SMCHD1: variants seen among roughly 807,000 people sequenced by gnomAD.
The protein encoded by SMCHD1 is structural maintenance of chromosomes flexible hinge domain-containing protein 1.
Under a neutral mutation model 254.7 loss-of-function variants are expected in SMCHD1, and 78 were observed. The ratio of observed to expected loss-of-function variants is 0.31; its 90% confidence interval spans 0.26 to 0.37. The LOEUF (loss-of-function observed/expected upper bound fraction) is 0.37, where lower values mean the gene tolerates loss of function less well. Among genes scored for constraint, SMCHD1 ranks in the 10% least tolerant of loss-of-function variants. The probability of loss-of-function intolerance (pLI) is 1.00; values close to 1 mark genes in which losing one functional copy is unlikely to be tolerated. For synonymous variants in SMCHD1, 766 were observed against 794.9 expected (o/e 0.96, Z 0.61); for missense variants, 1,840 against 2,408.1 (o/e 0.76, Z 4.94).
At chr18:2,728,793 G>C (rs2075076440) in intron 23 of SMCHD1, 197 bp downstream of exon 23, 4 of 482,122 alleles carry the variant, frequency 8.3e-6, no homozygotes, top group Non-Finnish European at 1.0e-5. Context: ...ACTGTGCCCA[G>C]TTTCATAAAT....
At position 2,752,495 on chromosome 18, in the gene SMCHD1, C is replaced by T. The variant is rs1195477536; in HGVS notation, c.4289C>T (p.Thr1430Ile). 2.5e-6 allele frequency: 4 copies of T among 1,600,832 alleles called. No individual in the cohort carries two copies. Among genetic ancestry groups the T allele is most frequent in the South Asian group, 2.2e-5 (2 of 90,618 alleles). Residue 1430 changes from threonine to isoleucine, a missense_variant, in exon 34 of 48, where the codon ACA becomes ATA. By Grantham distance (89) the Thr-to-Ile change is moderately conservative. Transcript: ENST00000320876. ...SGNRPPANAE[T>I]FSCNKIKDND... Reference sequence around the variant, plus strand: ...TCCTACTCCCCTTTCTAGGCAGAAACATTTAGTTGTAATAAAATAAAAGAT... The same window carrying T: ...TCCTACTCCCCTTTCTAGGCAGAAATATTTAGTTGTAATAAAATAAAAGAT...
At chr18:2,790,332 G>A (rs930982576) in intron 45 of SMCHD1, among the ~76,000 whole-genome samples, 7 of 152,154 alleles carry the variant, frequency 4.6e-5, no homozygotes, top group African/African-American at 1.7e-4. Flanking sequence ...AGTACAATAA[G>A]ATACTTTGAG....
chr18:2,659,185 T>C (rs2073170660), intron 1 of SMCHD1, among the ~76,000 whole-genome samples: 1 of 152,238 alleles, frequency 6.6e-6, no homozygotes, highest in Non-Finnish European at 1.5e-5. Context: ...TGGTGCCATC[T>C]TGGCTTACTG....
At chr18:2,760,366 C>A in intron 34 of SMCHD1, 1 of 211,880 alleles carries the variant, frequency 4.7e-6, no homozygotes, top group Non-Finnish European at 9.4e-6. Flanking sequence ...TGTAATTCAG[C>A]ATTTTTTACG....
intron 25 of SMCHD1, 51 bp from the exon 26 acceptor site, chr18:2,738,346 G>A (rs1218586042): frequency 7.5e-7 from 1 of 1,333,236 alleles, no homozygotes; most frequent in Non-Finnish European, 9.8e-7. Context: ...GTGGCAGTAA[G>A]AGAACATTAG....
At position 2,802,593 on chromosome 18, in the gene SMCHD1, GC is replaced by G; in HGVS notation, c.*44del. On this transcript the variant is annotated 3_prime_UTR_variant, in exon 48 of 48. Transcript: ENST00000320876. ...AGAGGCCATTGGTCTCAGTAAGAAT[GC>G]CCTGCTTTCTGCATCTCTGTTTCAG... The G allele has an allele frequency of 6.6e-7, 1 of 1,524,396 alleles. No homozygotes were observed. The highest frequency in any genetic ancestry group is 8.8e-7 in the Non-Finnish European group (1 of 1,132,086). The allele number at this position is 1,524,396 out of a possible 1,614,324, so 94.4% of individuals were successfully genotyped here.
chr18:2,701,022 G>A, intron 12 of SMCHD1, 104 bp downstream of exon 12: 1 of 868,346 alleles, frequency 1.2e-6, no homozygotes, highest in Non-Finnish European at 1.7e-6. Context: ...TGCATCAAAA[G>A]ACTATGATGT....
Position 2,771,582 on chromosome 18 carries a change from A to G in SMCHD1, c.5016A>G (p.Leu1672=), listed in dbSNP as rs890327982. The change falls in exon 40 of 48, where the codon CTA becomes CTG. Residue 1672 remains leucine (L), a synonymous_variant. Coordinates refer to ENST00000320876, the MANE Select transcript of SMCHD1 (RefSeq NM_015295.3). ...RLKEAQLRNE[L]KIHNIDIPTT... is the part of the protein sequence containing the mutation. ...AAGAGGCCCAATTGCGAAATGAACT[A>G]AAAATACATAATATTGACATTCCTA... The G allele has an allele frequency of 1.9e-6, 3 of 1,569,250 alleles. No individual in the cohort carries two copies. The Admixed American group carries it at 6.5e-5, about 34-fold the overall frequency.
chr18:2,697,818 CT>C lies in SMCHD1; in HGVS notation c.1132-8del. ...CATAGAATTTAATTATTTTTGTTTC[CT>C]TTTTATTTTAGATTTCTATGTTTGA... On this transcript the variant is annotated splice_polypyrimidine_tract_variant and intron_variant, in intron 9 of 47. Transcript: ENST00000320876. The C allele has an allele frequency of 6.4e-7, 1 of 1,554,084 alleles. No homozygotes were observed. The highest frequency in any genetic ancestry group is 1.1e-5 in the South Asian group (1 of 88,110).
chr18:2,783,636 G>A (rs1429273637), intron 44 of SMCHD1, among the ~76,000 whole-genome samples: 4 of 151,224 alleles, frequency 2.6e-5, no homozygotes, highest in Non-Finnish European at 5.9e-5. Context: ...GCAGTGGTGC[G>A]ATCTCAGCTC....
intron 39 of SMCHD1, 54 bp from the exon 40 acceptor site, chr18:2,771,479 C>A: frequency 1.5e-6 from 2 of 1,314,690 alleles, no homozygotes; most frequent in South Asian, 1.4e-5. Context: ...TTTTCAAAAA[C>A]TATGATTTGG....
intron 17 of SMCHD1, among the ~76,000 whole-genome samples, chr18:2,717,793 T>C (rs918759296): frequency 2.6e-5 from 4 of 152,224 alleles, no homozygotes; most frequent in Non-Finnish European, 5.9e-5. Flanking sequence ...TGTTCATGAA[T>C]TGCCTTTTTA....
At chr18:2,704,376 T>C (rs2074468330) in intron 13 of SMCHD1, among the ~76,000 whole-genome samples, 1 of 152,156 alleles carries the variant, frequency 6.6e-6, no homozygotes, top group African/African-American at 2.4e-5. Context: ...TAAGTAATGA[T>C]TTTTAAGTAT....
chr18:2,727,566 G>A (rs2075049639), intron 22 of SMCHD1, among the ~76,000 whole-genome samples: 1 of 152,028 alleles, frequency 6.6e-6, no homozygotes, highest in Non-Finnish European at 1.5e-5. Flanking sequence ...AAGTATCATG[G>A]TGTAGTGATA....
intron 44 of SMCHD1, among the ~76,000 whole-genome samples, chr18:2,784,160 C>T (rs1173114055): frequency 6.6e-6 from 1 of 152,188 alleles, no homozygotes; most frequent in Non-Finnish European, 1.5e-5. Context: ...TTCCAAAGCA[C>T]AGAACTCTCT....
Position 2,728,579 on chromosome 18 carries a change from T to C in SMCHD1, c.2896T>C (p.Leu966=), listed in dbSNP as rs765631831. 5.0e-6 allele frequency: 8 copies of C among 1,612,290 alleles called. No homozygotes were observed. The highest frequency in any genetic ancestry group is 2.7e-5 in the African/African-American group (2 of 74,870). Residue 966 remains leucine (L), a synonymous_variant, in exon 23 of 48, where the codon TTG becomes CTG. Coordinates refer to ENST00000320876, the MANE Select transcript of SMCHD1 (RefSeq NM_015295.3). ...AGACAACATAACAGCACAACCAAAA[T>C]TGATTGTTCATTGTAAGGTAAGCTT... ...ESDNITAQPK[L]IVHCKFSGAP...
intron 45 of SMCHD1, among the ~76,000 whole-genome samples, chr18:2,786,098 C>T (rs188233702): frequency 1.9e-4 from 29 of 152,164 alleles, no homozygotes; most frequent in African/African-American, 6.7e-4. Context: ...ACTGCAACCT[C>T]GGTCTCCCGG....
chr18:2,795,644 A>C (rs2143859606), intron 45 of SMCHD1, among the ~76,000 whole-genome samples: 1 of 152,374 alleles, frequency 6.6e-6, no homozygotes, highest in South Asian at 2.1e-4. Context: ...TGAATATCAG[A>C]CAAGATATAA....
chr18:2,795,711 C>G (rs2076251319), intron 45 of SMCHD1, among the ~76,000 whole-genome samples: 1 of 152,236 alleles, frequency 6.6e-6, no homozygotes, highest in African/African-American at 2.4e-5. Flanking sequence ...ATAGAGAACT[C>G]TTCCCTGACA....
Sources: gnomAD v4.1 joint callset for allele counts (sites outside exome capture counted in the v4.1 genomes callset) on GRCh38, gnomAD v4.1.1 for gene constraint, MANE v1.5 for transcripts, NCBI Gene and HGNC (gene_info 2026-07-23, HGNC 2026-07-21) for gene names.